Variants in MSH5 observed in about 807,000 individuals in gnomAD.
MSH5 encodes the protein mutS homolog 5.
A neutral mutation model predicts 107.7 loss-of-function variants in MSH5; 78 were observed. The observed-to-expected ratio is 0.72, with a 90% CI of 0.60 to 0.87. MSH5 has a LOEUF of 0.87. Ranked by LOEUF, MSH5 falls within the 40% of genes least tolerant of loss-of-function variation. The pLI is 0.00. For missense variants in MSH5, 889 were observed against 1,046.6 expected (o/e 0.85, Z 2.08); for synonymous variants, 326 against 399.5 (o/e 0.82, Z 2.19).
At position 31,758,071 on chromosome 6, in the gene MSH5, T is replaced by G; in HGVS notation, c.1015-94T>G. On this transcript the variant is annotated intron_variant, in intron 12 of 24. Transcript: ENST00000375750. The surrounding 1 kb of genome is among the most constrained non-coding windows in gnomAD (Gnocchi z 5.1). Reference sequence around the variant, plus strand: ...TCTTCCCTCTTTGTTACTGTGATCTTCCCTACTGGTCTTTGTTCTTCTGAG... The same window carrying G: ...TCTTCCCTCTTTGTTACTGTGATCTGCCCTACTGGTCTTTGTTCTTCTGAG... 2 of 1,495,850 alleles carry G rather than the reference T, an allele frequency of 1.3e-6. No homozygotes were observed. Among genetic ancestry groups the G allele is most frequent in the African/African-American group, 2.8e-5 (2 of 72,350 alleles). 92.7% of individuals were successfully genotyped at this position (1,495,850 alleles called of 1,614,324 possible).
At chr6:31,747,204 G>A (rs1396822290) in intron 9 of MSH5, among the ~76,000 whole-genome samples, 183 bp from the exon 10 acceptor site, 1 of 152,184 alleles carries the variant, frequency 6.6e-6, no homozygotes, top group Non-Finnish European at 1.5e-5. Context: ...CCATCTCCAT[G>A]TACGGTAATC....
rs149917399 is a variant in MSH5 at position 31,751,550 on chromosome 6, C to T, written c.813-1751C>T. On this transcript the variant is annotated intron_variant, in intron 10 of 24. Coordinates refer to ENST00000375750, the MANE Select transcript of MSH5 (RefSeq NM_172166.4). ...ACTCCAGAGGCTGAGACACGAGAAT[C>T]GCTTGAACCTGGGAGGCGGAGGTTG... The T allele has an allele frequency of 5.1e-3, 770 of 151,996 alleles. 5 individuals carry two copies. The highest frequency in any genetic ancestry group is 0.024 in the Middle Eastern group (7 of 294). 9.4% of individuals were successfully genotyped at this position (151,996 alleles called of 1,614,324 possible).
intron 11 of MSH5, 36 bp downstream of exon 11, chr6:31,753,475 G>A (rs369926587): frequency 1.3e-5 from 21 of 1,612,216 alleles, no homozygotes; most frequent in Non-Finnish European, 1.7e-5. Context: ...GGTGGGGAAG[G>A]AGGTTGAGGG....
intron 12 of MSH5, chr6:31,753,863 T>TC: frequency 2.1e-6 from 1 of 473,170 alleles, no homozygotes; most frequent in Non-Finnish European, 3.9e-6. Flanking sequence ...GAAGTTGGGA[T>TC]TACAAGCGCC....
In MSH5 at chr6:31,759,423, A is replaced by C. The variant is rs1810758546; in HGVS notation, c.1408-2A>C. 1 of 1,612,580 alleles carries C rather than the reference A, an allele frequency of 6.2e-7. No individual in the cohort carries two copies. The highest frequency in any genetic ancestry group is 8.5e-7 in the Non-Finnish European group (1 of 1,180,006). Reference sequence around the variant, plus strand: ...TCCACAGCTTTGAACCCCTGTACCCAGTTTCTCTCAGAGGAGAAGCTGCAC... The same window carrying C: ...TCCACAGCTTTGAACCCCTGTACCCCGTTTCTCTCAGAGGAGAAGCTGCAC... On this transcript the variant is annotated splice_acceptor_variant, in intron 16 of 24. Coordinates refer to ENST00000375750, the MANE Select transcript of MSH5 (RefSeq NM_172166.4). LOFTEE classifies it high-confidence loss of function. This position sits in a 1 kb window ranked among gnomAD's most constrained non-coding sequence, Gnocchi z 4.7.
In MSH5 at chr6:31,762,557, C is replaced by G. The variant is rs373544012; in HGVS notation, c.*26C>G. 2 of 1,452,826 alleles carry G rather than the reference C, an allele frequency of 1.4e-6. No homozygotes were observed. The highest frequency in any genetic ancestry group is 2.8e-5 in the African/African-American group (2 of 71,596). The allele number at this position is 1,452,826 out of a possible 1,614,324, so 90.0% of individuals were successfully genotyped here. On this transcript the variant is annotated 3_prime_UTR_variant, in exon 25 of 25. Coordinates refer to ENST00000375750, the MANE Select transcript of MSH5 (RefSeq NM_172166.4). ...GAGTCCTTCCAGTGTCCTCCCCAGCCTCCTGAGACTCCGGTGGGCTGCCAT... is the reference window on the plus strand; with the variant it reads ...GAGTCCTTCCAGTGTCCTCCCCAGCGTCCTGAGACTCCGGTGGGCTGCCAT...
Position 31,753,437 on chromosome 6 carries a change from C to G in MSH5, c.949C>G (p.Pro317Ala). Residue 317 changes from proline (P) to alanine (A), a missense_variant and splice_region_variant, in exon 11 of 25, where the codon CCT (proline) becomes GCT (alanine). Pro to Ala is a conservative substitution (Grantham distance 27). Transcript: ENST00000375750. ...GCTCCTGGGTCACATCAAGAACGTG[C>G]CTGTGAGCCCAGGGTGGAGGGCAGG... ...HRLLGHIKNV[P>A]LILKRMKLSH... The G allele has an allele frequency of 6.2e-7, 1 of 1,613,558 alleles. No homozygotes were observed. The highest frequency in any genetic ancestry group is 8.5e-7 in the Non-Finnish European group (1 of 1,179,616).
At chr6:31,756,439 T>C (rs181535692) in intron 12 of MSH5, among the ~76,000 whole-genome samples, 1 of 152,260 alleles carries the variant, frequency 6.6e-6, no homozygotes, top group Non-Finnish European at 1.5e-5. Flanking sequence ...CCCAAAGTGC[T>C]GGGATTACAG....
At chr6:31,745,990 TCTC>T (rs1250445344) in intron 9 of MSH5, among the ~76,000 whole-genome samples, 3 of 151,884 alleles carry the variant, frequency 2.0e-5, no homozygotes, top group Non-Finnish European at 2.9e-5. Context: ...ATGATCTCGA[TCTC>T]CTGACCTCGT....
Position 31,759,292 on chromosome 6 carries a change from C to G in MSH5, c.1407+115C>G. On this transcript the variant is annotated intron_variant, in intron 16 of 24. Coordinates refer to ENST00000375750, the MANE Select transcript of MSH5 (RefSeq NM_172166.4). The surrounding 1 kb of genome is among the most constrained non-coding windows in gnomAD (Gnocchi z 4.7). ...ATGGGATCTCTCCTCTGTAGTTTTACTCTGAGCTTTACCAGCACTGAGACA... is the reference window on the plus strand; with the variant it reads ...ATGGGATCTCTCCTCTGTAGTTTTAGTCTGAGCTTTACCAGCACTGAGACA... The G allele has an allele frequency of 7.2e-7, 1 of 1,385,020 alleles. No homozygotes were observed. The highest frequency in any genetic ancestry group is 1.0e-6 in the Non-Finnish European group (1 of 974,382). The allele number at this position is 1,385,020 out of a possible 1,614,324, so 85.8% of individuals were successfully genotyped here.
chr6:31,762,414 C>T lies in MSH5; in HGVS notation c.2394-6C>T, dbSNP rs746877244. ...CATAAATCTTGCGATTTTCTCTCTT[C>T]TTCAGTTGCCAGACATTAGTGGATA... is the stretch of plus-strand genomic sequence containing the variant. On this transcript the variant is annotated splice_region_variant and splice_polypyrimidine_tract_variant and intron_variant, in intron 24 of 24. Coordinates refer to ENST00000375750, the MANE Select transcript of MSH5 (RefSeq NM_172166.4). The T allele has an allele frequency of 1.2e-6, 2 of 1,604,842 alleles. No homozygotes were observed. Among genetic ancestry groups the T allele is most frequent in the South Asian group, 2.2e-5 (2 of 90,814 alleles).
Position 31,758,576 on chromosome 6 carries a change from A to G in MSH5, c.1172A>G (p.Asn391Ser). Residue 391 changes from asparagine (N) to serine (S), a missense_variant, in exon 14 of 25, where the codon AAT becomes AGT. By Grantham distance (46) the Asn-to-Ser change is conservative. Coordinates refer to ENST00000375750, the MANE Select transcript of MSH5 (RefSeq NM_172166.4). This position sits in a 1 kb window ranked among gnomAD's most constrained non-coding sequence, Gnocchi z 5.1. ...VVDFEGSLAE[N>S]RFTVLPNIDP... ...GACTTTGAGGGCAGCCTTGCTGAAAATCGCTTCACAGTCCTCCCCAACATA... is the reference window on the plus strand; with the variant it reads ...GACTTTGAGGGCAGCCTTGCTGAAAGTCGCTTCACAGTCCTCCCCAACATA... 2.5e-6 allele frequency: 4 copies of G among 1,613,730 alleles called. No individual in the cohort carries two copies. The highest frequency in any genetic ancestry group is 2.5e-6 in the Non-Finnish European group (3 of 1,180,018).
At chr6:31,753,212 C>T (rs1810119318) in intron 10 of MSH5, 89 bp from the exon 11 acceptor site, 2 of 1,490,150 alleles carry the variant, frequency 1.3e-6, no homozygotes, top group Non-Finnish European at 1.8e-6. Flanking sequence ...TGCCACAATC[C>T]CCAGGGACTG....
At position 31,740,635 on chromosome 6, in the gene MSH5, T is replaced by G; in HGVS notation, c.147+22T>G. 1 of 1,472,112 alleles carries G rather than the reference T, an allele frequency of 6.8e-7. No individual in the cohort carries two copies. Among genetic ancestry groups the G allele is most frequent in the Non-Finnish European group, 9.0e-7 (1 of 1,112,426 alleles). The allele number at this position is 1,472,112 out of a possible 1,614,324, so 91.2% of individuals were successfully genotyped here. A position where few individuals can be genotyped will look rare whatever the true frequency, so the allele number is the denominator to read the frequency against. ...CGAGGTCTCTGAGGGGAGTAGAAAC[T>G]TGAATGGAGAGTTGATGGGAAGTTA... On this transcript the variant is annotated intron_variant, in intron 2 of 24. Transcript: ENST00000375750. The surrounding 1 kb of genome is among the most constrained non-coding windows in gnomAD (Gnocchi z 4.4).
At chr6:31,745,189 C>T in intron 8 of MSH5, 48 bp from the exon 9 acceptor site, 1 of 1,120,614 alleles carries the variant, frequency 8.9e-7, no homozygotes, top group South Asian at 1.2e-5. Context: ...ATTCTTATTC[C>T]CTTCAAAAGT....
chr6:31,761,262 G>T lies in MSH5; in HGVS notation c.2037G>T (p.Thr679=). 1 of 1,613,638 alleles carries T rather than the reference G, an allele frequency of 6.2e-7. No individual in the cohort carries two copies. Among genetic ancestry groups the T allele is most frequent in the Non-Finnish European group, 8.5e-7 (1 of 1,179,976 alleles). ...ATGAATTTGGAAAGGGAACCAACACGGTGAGGGGAGAAACTGATGAGGGGA... is the reference window on the plus strand; with the variant it reads ...ATGAATTTGGAAAGGGAACCAACACTGTGAGGGGAGAAACTGATGAGGGGA... ...LIDEFGKGTN[T]VDGLALLAAV... The change falls in exon 21 of 25, where the codon ACG becomes ACT. Residue 679 remains threonine (T), a splice_region_variant and synonymous_variant. Coordinates refer to ENST00000375750, the MANE Select transcript of MSH5 (RefSeq NM_172166.4). The surrounding 1 kb of genome is among the most constrained non-coding windows in gnomAD (Gnocchi z 5.3).
rs922180677 is a variant in MSH5 at position 31,760,013 on chromosome 6, G to T, written c.1685+38G>T. 1.2e-6 allele frequency: 2 copies of T among 1,612,492 alleles called. No individual in the cohort carries two copies. The highest frequency in any genetic ancestry group is 2.7e-5 in the African/African-American group (2 of 74,868). On this transcript the variant is annotated intron_variant, in intron 18 of 24. Transcript: ENST00000375750. The surrounding 1 kb of genome is among the most constrained non-coding windows in gnomAD (Gnocchi z 5.6). Reference sequence around the variant, plus strand: ...GCGGGTGGAGGAATAGACATGAGGGGCCCAAAGGCTACATCTTCTGGGGGT... The same window carrying T: ...GCGGGTGGAGGAATAGACATGAGGGTCCCAAAGGCTACATCTTCTGGGGGT...
rs1194540412 is a variant in MSH5 at position 31,760,930 on chromosome 6, G to A, written c.1962+91G>A. 9 of 1,396,456 alleles carry A rather than the reference G, an allele frequency of 6.4e-6. No individual in the cohort carries two copies. The highest frequency in any genetic ancestry group is 7.8e-6 in the Non-Finnish European group (8 of 1,022,556). 86.5% of individuals were successfully genotyped at this position (1,396,456 alleles called of 1,614,324 possible). On this transcript the variant is annotated intron_variant, in intron 20 of 24. Coordinates refer to ENST00000375750, the MANE Select transcript of MSH5 (RefSeq NM_172166.4). The surrounding 1 kb of genome is among the most constrained non-coding windows in gnomAD (Gnocchi z 5.6). ...CTCATAACAGGAAAGCATGCCCTCT[G>A]CTGCATGCCCTTTATACTAAAAGTG...
At chr6:31,750,669 T>TC (rs1809871622) in intron 10 of MSH5, among the ~76,000 whole-genome samples, 1 of 152,194 alleles carries the variant, frequency 6.6e-6, no homozygotes, top group African/African-American at 2.4e-5. Context: ...CCTACACTGT[T>TC]CTGGTGGGAG....
Sources: gnomAD v4.1 joint callset for allele counts (sites outside exome capture counted in the v4.1 genomes callset) on GRCh38, gnomAD v4.1.1 for gene constraint, Gnocchi (gnomAD v3.1) non-coding constraint, MANE v1.5 for transcripts, NCBI Gene and HGNC (gene_info 2026-07-23, HGNC 2026-07-21) for gene names.